The following EXT2 variants were observed in gnomAD, a reference collection of about 807,000 sequenced individuals.
EXT2 encodes the protein exostosin-2.
A neutral mutation model predicts 81.6 loss-of-function variants in EXT2; 53 were observed. The observed-to-expected ratio is 0.65, with a 90% CI of 0.52 to 0.82. EXT2 has a LOEUF of 0.82. Among genes scored for constraint, EXT2 ranks in the 40% least tolerant of loss-of-function variants. EXT2 has a pLI of 0.00. For missense variants in EXT2, 774 were observed against 910.2 expected (o/e 0.85, Z 1.93); for synonymous variants, 320 against 340.0 (o/e 0.94, Z 0.65).
chr11:44,097,634 C>CA (rs1953917190), intron 1 of EXT2, among the ~76,000 whole-genome samples: 1 of 151,696 alleles, frequency 6.6e-6, no homozygotes, highest in Non-Finnish European at 1.5e-5. Flanking sequence ...ACTAAAAATA[C>CA]AAAAAAATTA....
chr11:44,107,826 TGC>T lies in EXT2; in HGVS notation c.115_116del (p.Ala39HisfsTer16), dbSNP rs1954078670. 6.2e-7 allele frequency: 1 copy of T among 1,614,046 alleles called. No homozygotes were observed. Among genetic ancestry groups the T allele is most frequent in the Non-Finnish European group, 8.5e-7 (1 of 1,180,046 alleles). On this transcript the variant is annotated frameshift_variant, in exon 2 of 14. Transcript: ENST00000533608. LOFTEE classifies it high-confidence loss of function. ...LFSIVLLGLI[A>X]TGMFQFWPHS... The stretch of plus-strand genomic sequence containing the variant: ...TCTCCATTGTCCTCCTGGGCCTCAT[TGC>T]CACTGGCATGTTTCAGTTTTGGCCC...
At chr11:44,227,183 C>A (rs775372668) in intron 10 of EXT2, among the ~76,000 whole-genome samples, 18 of 152,224 alleles carry the variant, frequency 1.2e-4, no homozygotes, top group Non-Finnish European at 2.2e-4. Flanking sequence ...TTTCCGGAAT[C>A]TGACTGCGGT....
chr11:44,149,046 C>G (rs1954758131), intron 7 of EXT2, among the ~76,000 whole-genome samples: 1 of 152,142 alleles, frequency 6.6e-6, no homozygotes, highest in Admixed American at 6.5e-5. Context: ...ATTCCAAACT[C>G]CATGGCATGA....
intron 10 of EXT2, among the ~76,000 whole-genome samples, chr11:44,219,540 A>G (rs1955760009): frequency 6.6e-6 from 1 of 152,158 alleles, no homozygotes; most frequent in Non-Finnish European, 1.5e-5. Flanking sequence ...AGTCTTGGAC[A>G]TGCTTCTCAC....
intron 12 of EXT2, 93 bp downstream of exon 12, chr11:44,234,336 G>T (rs1430259181): frequency 5.6e-6 from 7 of 1,257,598 alleles, no homozygotes; most frequent in Non-Finnish European, 6.8e-6. Context: ...ATTAAATATA[G>T]GACTAGATAA....
intron 7 of EXT2, among the ~76,000 whole-genome samples, chr11:44,144,703 A>C (rs1345068652): frequency 6.6e-6 from 1 of 152,204 alleles, no homozygotes; most frequent in African/African-American, 2.4e-5. Context: ...GCCAAGAAAC[A>C]TGACTCAGGC....
intron 8 of EXT2, among the ~76,000 whole-genome samples, chr11:44,186,982 T>TTTCCTTCCTTCCTTCCTTCC (rs71035681): frequency 6.0e-4 from 47 of 78,842 alleles, no homozygotes; most frequent in African/African-American, 1.5e-3. Flanking sequence ...TTGTACAAAA[T>TTTCCTTCCTTCCTTCCTTCC]TTCCTTCCTT....
chr11:44,186,373 C>A (rs555078760), intron 8 of EXT2, among the ~76,000 whole-genome samples: 1 of 152,268 alleles, frequency 6.6e-6, no homozygotes, highest in African/African-American at 2.4e-5. Flanking sequence ...TATGTTGAAC[C>A]ATTTAAATGG....
At chr11:44,232,278 C>T (rs1955907965) in intron 10 of EXT2, 75 bp from the exon 11 acceptor site, 2 of 1,595,310 alleles carry the variant, frequency 1.3e-6, no homozygotes, top group Non-Finnish European at 1.7e-6. Context: ...TCTGTTGATA[C>T]CTGTTTGGAT....
At chr11:44,116,793 C>A (rs1375340988) in intron 4 of EXT2, 1 of 152,078 alleles carries the variant, frequency 6.6e-6, no homozygotes, top group East Asian at 1.9e-4. Context: ...TGCTTATTGG[C>A]CATTTATATA....
At chr11:44,137,037 C>T (rs1433089543) in intron 7 of EXT2, among the ~76,000 whole-genome samples, 1 of 151,602 alleles carries the variant, frequency 6.6e-6, no homozygotes, top group Non-Finnish European at 1.5e-5. Context: ...GTATGTATAT[C>T]CCTATTGTGA....
rs186184426 is a variant in EXT2 at position 44,246,750 on chromosome 11, T to G, written c.*2463T>G. ...ATTCAGAGTGGGCTAGGGACTCCAC[T>G]TTATTGTTCGTGTATTTCTGAGCTG... On this transcript the variant is annotated 3_prime_UTR_variant, in exon 14 of 14. Coordinates refer to ENST00000533608, the MANE Select transcript of EXT2 (RefSeq NM_207122.2). Among the ~76,000 whole-genome samples the G allele has an allele frequency of 6.6e-6, 1 of 152,212 alleles. No individual in the cohort carries two copies. The highest frequency in any genetic ancestry group is 1.5e-5 in the Non-Finnish European group (1 of 68,040).
rs973307056 is a variant in EXT2, at chr11:44,111,732, G to A, written c.626+2449G>A. 3.1e-4 allele frequency among the ~76,000 whole-genome samples: 47 copies of A among 152,160 alleles called. No individual in the cohort carries two copies. In the Middle Eastern group the frequency reaches 0.01, roughly 33 times the overall value. ...GTCCAGCTTCGATCATTATCTTGAGGCCCGTCTTGTTTCATCCTTACTCTC... is the reference window on the plus strand; with the variant it reads ...GTCCAGCTTCGATCATTATCTTGAGACCCGTCTTGTTTCATCCTTACTCTC... On this transcript the variant is annotated intron_variant, in intron 3 of 13. Transcript: ENST00000533608.
chr11:44,192,088 T>C (rs1955398891), intron 8 of EXT2, among the ~76,000 whole-genome samples: 1 of 152,178 alleles, frequency 6.6e-6, no homozygotes, highest in Non-Finnish European at 1.5e-5. Context: ...ATTACCTGAG[T>C]TCCTCTCATT....
rs1043125693 is a variant in EXT2, at chr11:44,250,769, C to G, written c.*6482C>G. ...TGTCTGAAGCTATTTGGAGTCCTCT[C>G]CCTGTGTTTTCTATGTGGCTTAATT... On this transcript the variant is annotated 3_prime_UTR_variant, in exon 14 of 14. Coordinates refer to ENST00000533608, the MANE Select transcript of EXT2 (RefSeq NM_207122.2). Among the ~76,000 whole-genome samples, 32 of 152,272 alleles carry G rather than the reference C, an allele frequency of 2.1e-4. No individual in the cohort carries two copies. Among genetic ancestry groups the G allele is most frequent in the African/African-American group, 7.7e-4 (32 of 41,550 alleles).
chr11:44,197,143 A>G (rs1396132238), intron 8 of EXT2, among the ~76,000 whole-genome samples: 1 of 152,118 alleles, frequency 6.6e-6, no homozygotes, highest in African/African-American at 2.4e-5. Flanking sequence ...GTTTCCTTGG[A>G]GAGGAAACCT....
At chr11:44,200,476 T>C (rs948649596) in intron 9 of EXT2, among the ~76,000 whole-genome samples, 3 of 152,236 alleles carry the variant, frequency 2.0e-5, no homozygotes, top group Non-Finnish European at 4.4e-5. Flanking sequence ...GGCAGGCTAC[T>C]GCCTTTCTTC....
intron 7 of EXT2, among the ~76,000 whole-genome samples, chr11:44,134,362 G>A (rs775331155): frequency 3.3e-5 from 5 of 152,180 alleles, no homozygotes; most frequent in Non-Finnish European, 7.3e-5. Context: ...GGATATATGG[G>A]TATAAGCATA....
chr11:44,234,178 A>G lies in EXT2; in HGVS notation c.1870A>G (p.Met624Val), dbSNP rs772217310. The G allele has an allele frequency of 1.1e-5, 17 of 1,614,062 alleles. No homozygotes were observed. The highest frequency in any genetic ancestry group is 1.4e-5 in the Non-Finnish European group (16 of 1,180,038). ...TATCAAGAACTGGGTAGATGCTCAT[A>G]TGAACTGTGAAGATATTGCCATGAA... ...GDIKNWVDAH[M>V]NCEDIAMNFL... Residue 624 changes from methionine (M) to valine (V), a missense_variant, in exon 12 of 14, where the codon ATG (methionine) becomes GTG (valine). Physicochemically the swap from Met to Val is conservative, Grantham distance 21. Coordinates refer to ENST00000533608, the MANE Select transcript of EXT2 (RefSeq NM_207122.2).
Sources: gnomAD v4.1 joint callset for allele counts (sites outside exome capture counted in the v4.1 genomes callset) on GRCh38, gnomAD v4.1.1 for gene constraint, MANE v1.5 for transcripts, NCBI Gene and HGNC (gene_info 2026-07-23, HGNC 2026-07-21) for gene names.